The following RANBP2 variants were observed in gnomAD, a reference collection of about 807,000 sequenced individuals.
The protein encoded by RANBP2 is E3 SUMO-protein ligase RanBP2.
Under a neutral mutation model 303.6 loss-of-function variants are expected in RANBP2, and 57 were observed. The observed-to-expected ratio is 0.19, with a 90% CI of 0.15 to 0.23. The LOEUF is 0.23. RANBP2 is among the 10% of genes least tolerant of loss of function. The pLI is 1.00. For missense variants in RANBP2, 3,138 were observed against 3,780.8 expected, an observed-to-expected ratio of 0.83 and a Z score of 4.46; for synonymous variants, 1,167 against 1,301.5, an observed-to-expected ratio of 0.90 and a Z score of 2.23.
the RANBP2 span, among the ~76,000 whole-genome samples, chr2:109,721,493 T>C: frequency 1.3e-5 from 2 of 152,154 alleles, no homozygotes; most frequent in African/African-American, 2.4e-5. Context: ...AGAATTGCTG[T>C]GCTGGAATTC....
chr2:109,003,248 G>A, the RANBP2 span, among the ~76,000 whole-genome samples: 171 of 144,872 alleles, frequency 1.2e-3, no homozygotes, highest in African/African-American at 4.1e-3. Flanking sequence ...CAAAGTACAC[G>A]TGCACTTTTC....
the RANBP2 span, among the ~76,000 whole-genome samples, chr2:109,369,724 C>T: frequency 6.6e-6 from 1 of 152,132 alleles, no homozygotes; most frequent in Non-Finnish European, 1.5e-5. Flanking sequence ...TGTGTGATCC[C>T]ACATGGGCTG....
At chr2:109,201,699 C>T in the RANBP2 span, among the ~76,000 whole-genome samples, 8 of 152,204 alleles carry the variant, frequency 5.3e-5, no homozygotes, top group Middle Eastern at 3.2e-3. Context: ...GCATGGGAAA[C>T]GCTGCGCCTT....
chr2:108,782,664 A>C lies in RANBP2; in HGVS notation c.9171A>C (p.Glu3057Asp), dbSNP rs1678338044. ...LQKGHVSLAAELSKETNPVVF... is the reference protein window; with the variant it reads ...LQKGHVSLAADLSKETNPVVF... ...AAGGACATGTATCACTGGCAGCAGA[A>C]TTATCAAAGGAGACCAATCCTGTGG... Residue 3057 changes from glutamate to aspartate, a missense_variant, in exon 28 of 29, where the codon GAA (glutamate) becomes GAC (aspartate). Coordinates refer to ENST00000283195, the MANE Select transcript of RANBP2 (RefSeq NM_006267.5). 2 of 1,614,114 alleles carry C rather than the reference A, an allele frequency of 1.2e-6. No homozygotes were observed. The highest frequency in any genetic ancestry group is 1.7e-6 in the Non-Finnish European group (2 of 1,180,050).
At chr2:109,449,952 C>A in the RANBP2 span, among the ~76,000 whole-genome samples, 1 of 152,202 alleles carries the variant, frequency 6.6e-6, no homozygotes, top group Non-Finnish European at 1.5e-5. Flanking sequence ...ATGGGACAGG[C>A]CTGTTTCCTG....
the RANBP2 span, chr2:109,613,090 C>T: frequency 2.3e-6 from 2 of 886,842 alleles, no homozygotes; most frequent in Admixed American, 2.3e-5. Context: ...GGCCTCCAAA[C>T]GGCGGTGAGA....
the RANBP2 span, among the ~76,000 whole-genome samples, chr2:109,096,762 A>G: frequency 6.6e-6 from 1 of 151,996 alleles, no homozygotes; most frequent in Non-Finnish European, 1.5e-5. Flanking sequence ...TCCAGAGCCA[A>G]GAAAACTTTT....
the RANBP2 span, chr2:109,449,418 C>A: frequency 1.2e-6 from 2 of 1,613,682 alleles, no homozygotes. Context: ...TGGAGGGGGG[C>A]CCATCGGTGT....
At chr2:108,751,736 T>C (rs1311303296) in intron 11 of RANBP2, 33 bp downstream of exon 11, 38 of 1,611,410 alleles carry the variant, frequency 2.4e-5, no homozygotes, top group Non-Finnish European at 3.1e-5. Flanking sequence ...TGCTTTCACT[T>C]AGTGCGTAGG....
chr2:109,344,500 G>A, the RANBP2 span, among the ~76,000 whole-genome samples: 3,952 of 152,314 alleles, frequency 0.026, 158 homozygotes, highest in African/African-American at 0.088. Flanking sequence ...CTGCCGTGCC[G>A]AGGAGCTCGG....
At chr2:109,049,847 G>A in the RANBP2 span, among the ~76,000 whole-genome samples, 1 of 152,142 alleles carries the variant, frequency 6.6e-6, no homozygotes, top group South Asian at 2.1e-4. Flanking sequence ...TTTCCCGTTC[G>A]GGGCTATTCT....
At chr2:109,445,761 G>A in the RANBP2 span, among the ~76,000 whole-genome samples, 1 of 152,036 alleles carries the variant, frequency 6.6e-6, no homozygotes, top group Non-Finnish European at 1.5e-5. Context: ...AGAGAGGGGG[G>A]TTGGCTTGGA....
the RANBP2 span, among the ~76,000 whole-genome samples, chr2:109,105,835 G>A: frequency 1.3e-5 from 2 of 149,402 alleles, no homozygotes; most frequent in Non-Finnish European, 1.5e-5. Context: ...GATTACAGGC[G>A]TGAGCCACCG....
the RANBP2 span, among the ~76,000 whole-genome samples, chr2:109,360,318 T>G: frequency 6.6e-5 from 10 of 152,220 alleles, no homozygotes; most frequent in African/African-American, 2.4e-4. Flanking sequence ...TGGTAGCATA[T>G]AAATCCAGAG....
the RANBP2 span, among the ~76,000 whole-genome samples, chr2:109,622,851 G>A: frequency 6.6e-6 from 1 of 152,180 alleles, no homozygotes; most frequent in African/African-American, 2.4e-5. Flanking sequence ...TTTGAGGCCG[G>A]GCACAGTGGC....
At chr2:109,590,059 TATATATACACACAC>T in the RANBP2 span, among the ~76,000 whole-genome samples, 1 of 146,906 alleles carries the variant, frequency 6.8e-6, no homozygotes, top group Non-Finnish European at 1.5e-5. Flanking sequence ...TGTGTGTGTA[TATATATACACACAC>T]ATATATATGT....
chr2:109,347,639 A>G, the RANBP2 span: 1 of 1,603,106 alleles, frequency 6.2e-7, no homozygotes, highest in East Asian at 2.2e-5. Flanking sequence ...GGGAAGGGGC[A>G]TGCCCGGTGA....
the RANBP2 span, among the ~76,000 whole-genome samples, chr2:108,799,779 A>C: frequency 0.8 from 121,827 of 152,048 alleles, 49,081 homozygotes; most frequent in East Asian, 0.95. Context: ...TATTTCCCCA[A>C]AGATTTCTGA....
chr2:109,240,594 G>T, the RANBP2 span, among the ~76,000 whole-genome samples: 1 of 152,148 alleles, frequency 6.6e-6, no homozygotes, highest in Non-Finnish European at 1.5e-5. Flanking sequence ...GGATAAATAG[G>T]TTTTTCATTG....
Sources: allele counts gnomAD v4.1 joint callset (sites outside exome capture counted in the v4.1 genomes callset), GRCh38; gene constraint gnomAD v4.1.1; transcripts MANE v1.5; gene names NCBI Gene and HGNC (gene_info 2026-07-23, HGNC 2026-07-21).